PACSIN2: variants seen among roughly 807,000 people sequenced by gnomAD.
PACSIN2 encodes protein kinase C and casein kinase substrate in neurons 2.
PACSIN2 carries 25 observed loss-of-function variants against 63.8 expected under a neutral mutation model. That is an observed-to-expected ratio of 0.39 (90% confidence interval 0.29 to 0.55). The LOEUF is 0.55. Ranked by LOEUF, PACSIN2 falls within the 20% of genes least tolerant of loss-of-function variation. PACSIN2 has a pLI of 0.62. For missense variants in PACSIN2, 518 were observed against 646.9 expected, an observed-to-expected ratio of 0.80 and a Z score of 2.16; for synonymous variants, 255 against 256.2, an observed-to-expected ratio of 1.00 and a Z score of 0.05.
At chr22:42,916,874 C>G (rs1931845341) in intron 1 of PACSIN2, among the ~76,000 whole-genome samples, 1 of 152,214 alleles carries the variant, frequency 6.6e-6, no homozygotes. Context: ...AGAATCACCA[C>G]AGCAAGCCAC....
intron 1 of PACSIN2, among the ~76,000 whole-genome samples, chr22:42,923,568 C>G (rs1932337334): frequency 6.6e-6 from 1 of 152,156 alleles, no homozygotes; most frequent in South Asian, 2.1e-4. Flanking sequence ...GCTGGGACTA[C>G]AGGCGCCCGC....
chr22:42,878,648 G>A (rs920779744), intron 8 of PACSIN2, among the ~76,000 whole-genome samples: 1 of 152,226 alleles, frequency 6.6e-6, no homozygotes, highest in African/African-American at 2.4e-5. Context: ...GAGTGAGCAT[G>A]AACCTCGGCA....
chr22:42,946,115 TGGA>T (rs1933408081), intron 1 of PACSIN2, among the ~76,000 whole-genome samples: 1 of 152,066 alleles, frequency 6.6e-6, no homozygotes, highest in Non-Finnish European at 1.5e-5. Context: ...TTAGAGGAGG[TGGA>T]GGAGAAATCA....
chr22:42,917,695 T>C (rs1326624667), intron 1 of PACSIN2, among the ~76,000 whole-genome samples: 1 of 152,228 alleles, frequency 6.6e-6, no homozygotes, highest in African/African-American at 2.4e-5. Flanking sequence ...TATAGTCCTA[T>C]TTCCAGGCAC....
At chr22:42,892,628 G>A (rs1470427180) in intron 3 of PACSIN2, among the ~76,000 whole-genome samples, 1 of 152,184 alleles carries the variant, frequency 6.6e-6, no homozygotes, top group Non-Finnish European at 1.5e-5. Context: ...CCACGTGCCT[G>A]CTCCACAGCC....
chr22:42,899,074 G>A lies in PACSIN2; in HGVS notation c.61-5461C>T, dbSNP rs116644341. Among the ~76,000 whole-genome samples the A allele has an allele frequency of 4.8e-3, 732 of 152,230 alleles. 8 individuals are homozygous for A. Among genetic ancestry groups the A allele is most frequent in the African/African-American group, 0.017 (714 of 41,548 alleles). ...GACACAGGACCATGCCAAGCTCTGT[G>A]GTGCTCCCAACCCCTAATACCTTCA... On this transcript the variant is annotated intron_variant, in intron 2 of 10. Coordinates refer to ENST00000263246, the MANE Select transcript of PACSIN2 (RefSeq NM_001184970.3).
intron 1 of PACSIN2, among the ~76,000 whole-genome samples, chr22:42,931,764 G>A (rs552596165): frequency 1.3e-5 from 2 of 152,204 alleles, no homozygotes; most frequent in African/African-American, 4.8e-5. Flanking sequence ...CAGAGATCAC[G>A]TTGTTATTAT....
At chr22:42,889,985 C>T (rs1402373313) in intron 4 of PACSIN2, among the ~76,000 whole-genome samples, 2 of 150,154 alleles carry the variant, frequency 1.3e-5, no homozygotes, top group South Asian at 2.1e-4. Context: ...CTACTGCACA[C>T]GCAGAGCAGC....
intron 1 of PACSIN2, among the ~76,000 whole-genome samples, chr22:42,986,906 A>G (rs1156630603): frequency 6.6e-6 from 1 of 152,180 alleles, no homozygotes; most frequent in South Asian, 2.1e-4. Context: ...TTTGATAGCC[A>G]CTGCCTATAT....
At chr22:42,967,117 C>CG (rs1463079801) in intron 1 of PACSIN2, among the ~76,000 whole-genome samples, 4 of 139,874 alleles carry the variant, frequency 2.9e-5, no homozygotes, top group Admixed American at 2.2e-4. Context: ...GTAACAGAAA[C>CG]TAGGCAGGGA....
At chr22:42,877,063 G>A in intron 8 of PACSIN2, 53 bp from the exon 9 acceptor site, 1 of 1,599,904 alleles carries the variant, frequency 6.3e-7, no homozygotes, top group Admixed American at 1.7e-5. Context: ...GGCCCGTGAG[G>A]GTCCTGGCAA....
At chr22:42,924,741 C>T (rs1932422624) in intron 1 of PACSIN2, among the ~76,000 whole-genome samples, 1 of 151,976 alleles carries the variant, frequency 6.6e-6, no homozygotes, top group African/African-American at 2.4e-5. Context: ...CAGCCCCCAC[C>T]CCAGTGAGGT....
intron 10 of PACSIN2, among the ~76,000 whole-genome samples, chr22:42,874,270 T>C (rs1928400979): frequency 6.7e-6 from 1 of 148,762 alleles, no homozygotes; most frequent in Non-Finnish European, 1.5e-5. Context: ...CTGTGAGCTA[T>C]GATCGCACCA....
In PACSIN2 at chr22:42,970,588, A is replaced by G. The variant is rs528828238; in HGVS notation, c.-78+44433T>C. Among the ~76,000 whole-genome samples the G allele has an allele frequency of 4.6e-5, 7 of 152,352 alleles. No homozygotes were observed. In the East Asian group the frequency reaches 1.3e-3, roughly 29 times the overall value. Reference sequence around the variant, plus strand: ...CACATATAGAATTCTTGTAAAATAAAAAGTTTATTATAGAAATAATAATAC... The same window carrying G: ...CACATATAGAATTCTTGTAAAATAAGAAGTTTATTATAGAAATAATAATAC... On this transcript the variant is annotated intron_variant, in intron 1 of 10. Coordinates refer to ENST00000263246, the MANE Select transcript of PACSIN2 (RefSeq NM_001184970.3).
At chr22:42,878,988 G>T in intron 8 of PACSIN2, 60 bp downstream of exon 8, 3 of 1,567,306 alleles carry the variant, frequency 1.9e-6, no homozygotes, top group African/African-American at 1.4e-5. Context: ...GGACCATGCA[G>T]ATTGCCCAGG....
At chr22:43,011,039 CAG>C (rs1924456055) in intron 1 of PACSIN2, among the ~76,000 whole-genome samples, 1 of 152,204 alleles carries the variant, frequency 6.6e-6, no homozygotes, top group South Asian at 2.1e-4. Flanking sequence ...AGTCCACAGA[CAG>C]AGCATACTCA....
At chr22:42,973,150 C>T (rs1921450446) in intron 1 of PACSIN2, among the ~76,000 whole-genome samples, 2 of 152,156 alleles carry the variant, frequency 1.3e-5, no homozygotes, top group African/African-American at 4.8e-5. Context: ...TATTCCTATC[C>T]AAAATGCCCT....
chr22:42,885,303 T>TGCATG (rs1929394262), intron 5 of PACSIN2, among the ~76,000 whole-genome samples: 1 of 152,092 alleles, frequency 6.6e-6, no homozygotes, highest in Non-Finnish European at 1.5e-5. Context: ...CCGCACCCCC[T>TGCATG]CATCTCAGCA....
intron 1 of PACSIN2, among the ~76,000 whole-genome samples, chr22:42,989,867 A>ATAT (rs1207823988): frequency 8.8e-4 from 110 of 125,184 alleles, no homozygotes; most frequent in African/African-American, 3.6e-3. Context: ...GGGAAAAAAA[A>ATAT]ATATATATAT....
Sources: gnomAD v4.1 joint callset for allele counts (sites outside exome capture counted in the v4.1 genomes callset) on GRCh38, gnomAD v4.1.1 for gene constraint, MANE v1.5 for transcripts, NCBI Gene and HGNC (gene_info 2026-07-23, HGNC 2026-07-21) for gene names.